OCLN: variants seen among roughly 807,000 people sequenced by gnomAD.
The protein encoded by OCLN is occludin.
OCLN carries 21 observed loss-of-function variants against 47.9 expected under a neutral mutation model. The ratio of observed to expected loss-of-function variants is 0.44; its 90% CI spans 0.31 to 0.63. The LOEUF (loss-of-function observed/expected upper bound fraction) is 0.63. Ranked by LOEUF, OCLN falls within the 30% of genes least tolerant of loss-of-function variation. OCLN has a pLI of 0.08. For synonymous variants in OCLN, 117 were observed against 198.4 expected, an observed-to-expected ratio of 0.59 and a Z score of 3.45; for missense variants, 360 against 571.0, an observed-to-expected ratio of 0.63 and a Z score of 3.77.
chr5:69,549,018 AT>A (rs1424905563), intron 7 of OCLN, among the ~76,000 whole-genome samples: 1 of 147,768 alleles, frequency 6.8e-6, no homozygotes, highest in African/African-American at 2.5e-5. Flanking sequence ...TTATAAAGCC[AT>A]TCATTCTTTC....
At position 69,554,807 on chromosome 5, in the gene OCLN, A is replaced by C. The variant is rs1409384176; in HGVS notation, c.*1136A>C. 1 of 152,024 alleles carries C rather than the reference A, an allele frequency of 6.6e-6. No homozygotes were observed. The highest frequency in any genetic ancestry group is 1.5e-5 in the Non-Finnish European group (1 of 68,014). 9.4% of individuals were successfully genotyped at this position (152,024 alleles called of 1,614,324 possible). On this transcript the variant is annotated 3_prime_UTR_variant, in exon 9 of 9. Coordinates refer to ENST00000396442, the MANE Select transcript of OCLN (RefSeq NM_001205254.2). ...TTTTTTAAAAATTCAGATTCTTATT[A>C]GTAAAATTAGTTGATAGCACTGTGC...
At position 69,515,746 on chromosome 5, in the gene OCLN, G is replaced by A. The variant is rs1212029223; in HGVS notation, c.891+1637G>A. Among the ~76,000 whole-genome samples, 802 of 149,904 alleles carry A rather than the reference G, an allele frequency of 5.4e-3. 7 individuals carry two copies. The highest frequency in any genetic ancestry group is 0.019 in the African/African-American group (770 of 40,680). ...GGGCTCCTCACTTCTCATATGGGGC[G>A]GTTGCCAGGCGGAGGGTCTCCTCAC... On this transcript the variant is annotated intron_variant, in intron 4 of 8. Coordinates refer to ENST00000396442, the MANE Select transcript of OCLN (RefSeq NM_001205254.2).
At chr5:69,494,668 T>C (rs1768244113) in intron 1 of OCLN, among the ~76,000 whole-genome samples, 2 of 152,328 alleles carry the variant, frequency 1.3e-5, no homozygotes, top group South Asian at 4.1e-4. Flanking sequence ...GACATGATTC[T>C]CCACCTTTTG....
Position 69,534,902 on chromosome 5 carries a change from G to T in OCLN, c.1037+63G>T, listed in dbSNP as rs1370817496. ...AAAAATGAGTATTTGCATATAATTG[G>T]TTTTTGTGCCTTTCTGCTTAAAAAA... On this transcript the variant is annotated intron_variant, in intron 5 of 8. Coordinates refer to ENST00000396442, the MANE Select transcript of OCLN (RefSeq NM_001205254.2). 16 of 1,557,316 alleles carry T rather than the reference G, an allele frequency of 1.0e-5. 1 individual carries two copies. The highest frequency in any genetic ancestry group is 2.2e-5 in the South Asian group (2 of 89,356).
chr5:69,503,967 G>T (rs982910250), intron 1 of OCLN, among the ~76,000 whole-genome samples: 1 of 152,212 alleles, frequency 6.6e-6, no homozygotes. Context: ...AGGCATGGTG[G>T]TGCAGGTCTG....
chr5:69,518,846 T>C (rs1769048036), intron 4 of OCLN, among the ~76,000 whole-genome samples: 1 of 152,152 alleles, frequency 6.6e-6, no homozygotes, highest in South Asian at 2.1e-4. Flanking sequence ...ATATAGCTAA[T>C]AATGGCTGAT....
chr5:69,499,176 C>T (rs557148527), intron 1 of OCLN, among the ~76,000 whole-genome samples: 5 of 152,142 alleles, frequency 3.3e-5, no homozygotes, highest in Middle Eastern at 3.4e-3. Context: ...CTCAAGAGAT[C>T]CTCCCATCTC....
rs1310304809 is a variant in OCLN, at chr5:69,493,709, G to A, written c.-69+809G>A. On this transcript the variant is annotated intron_variant, in intron 1 of 8. Transcript: ENST00000396442. The surrounding 1 kb of genome is among the most constrained non-coding windows in gnomAD (Gnocchi z 5.3). ...GCCTGGGAGCGCCTCGGTGCGCACG[G>A]AAGCCGGGACCCGCGCCCAGCCGGG... is the stretch of plus-strand genomic sequence containing the variant. Among the ~76,000 whole-genome samples, 2 of 152,188 alleles carry A rather than the reference G, an allele frequency of 1.3e-5. No individual in the cohort carries two copies. The highest frequency in any genetic ancestry group is 4.8e-5 in the African/African-American group (2 of 41,448).
chr5:69,533,136 T>C (rs191183071), intron 4 of OCLN, among the ~76,000 whole-genome samples: 1,756 of 144,740 alleles, frequency 0.012, 32 homozygotes, highest in African/African-American at 0.038. Flanking sequence ...CACACACACA[T>C]ATATATACAT....
intron 2 of OCLN, 72 bp downstream of exon 2, chr5:69,504,366 C>CT (rs1428708421): frequency 2.2e-6 from 2 of 917,324 alleles, no homozygotes; most frequent in Admixed American, 1.9e-5. Flanking sequence ...ATGGTTGAAA[C>CT]TTTAAGTGTT....
intron 3 of OCLN, among the ~76,000 whole-genome samples, chr5:69,511,043 T>C (rs971025267): frequency 1.5e-4 from 23 of 152,154 alleles, no homozygotes; most frequent in African/African-American, 5.5e-4. Context: ...ATTTCTCTCT[T>C]ATCTTTGGAG....
In OCLN at chr5:69,493,871, G is replaced by C. The variant is rs118078002; in HGVS notation, c.-69+971G>C. 2.3e-3 allele frequency among the ~76,000 whole-genome samples: 357 copies of C among 152,270 alleles called. 14 individuals carry two copies. The East Asian group carries it at 0.063, about 27-fold the overall frequency. On this transcript the variant is annotated intron_variant, in intron 1 of 8. Coordinates refer to ENST00000396442, the MANE Select transcript of OCLN (RefSeq NM_001205254.2). This position sits in a 1 kb window ranked among gnomAD's most constrained non-coding sequence, Gnocchi z 5.3. ...GCCTAGGGGTTGGGAGCGGCGCCGAGCCCCTCGCGCTCCTCGGGAAGCCAC... is the reference window on the plus strand; with the variant it reads ...GCCTAGGGGTTGGGAGCGGCGCCGACCCCCTCGCGCTCCTCGGGAAGCCAC...
chr5:69,516,286 G>A (rs1167334972), intron 4 of OCLN, among the ~76,000 whole-genome samples: 1 of 152,238 alleles, frequency 6.6e-6, no homozygotes, highest in Non-Finnish European at 1.5e-5. Flanking sequence ...GTCGCAGTTC[G>A]GAGCTGGAGA....
At position 69,547,916 on chromosome 5, in the gene OCLN, C is replaced by T. The variant is rs1268822880; in HGVS notation, c.1254-14C>T. 8.8e-6 allele frequency: 5 copies of T among 570,362 alleles called. No homozygotes were observed. The highest frequency in any genetic ancestry group is 3.9e-5 in the South Asian group (2 of 50,742). 35.3% of individuals were successfully genotyped at this position (570,362 alleles called of 1,614,324 possible). ...AAGGATACATATGTAGTCATTTTCT[C>T]TCTCACCTTTTAGGGAATATCCACC... On this transcript the variant is annotated splice_polypyrimidine_tract_variant and intron_variant, in intron 6 of 8. Coordinates refer to ENST00000396442, the MANE Select transcript of OCLN (RefSeq NM_001205254.2).
intron 6 of OCLN, 123 bp from the exon 7 acceptor site, chr5:69,547,807 A>C: frequency 1.3e-6 from 1 of 751,760 alleles, no homozygotes; most frequent in Non-Finnish European, 2.4e-6. Flanking sequence ...CATAAGAAAC[A>C]AAAACGAAAC....
chr5:69,528,196 G>A (rs1456795311), intron 4 of OCLN, among the ~76,000 whole-genome samples: 1 of 152,050 alleles, frequency 6.6e-6, no homozygotes, highest in African/African-American at 2.4e-5. Flanking sequence ...CAGGAAAAAC[G>A]AGTTAGACCA....
At chr5:69,522,789 G>A (rs190768437) in intron 4 of OCLN, among the ~76,000 whole-genome samples, 51 of 150,872 alleles carry the variant, frequency 3.4e-4, no homozygotes, top group South Asian at 8.3e-4. Context: ...GTGCAATGGC[G>A]CAATCATAGC....
At chr5:69,500,403 C>CTTT (rs72338145) in intron 1 of OCLN, among the ~76,000 whole-genome samples, 1 of 142,518 alleles carries the variant, frequency 7.0e-6, no homozygotes, top group African/African-American at 2.6e-5. Flanking sequence ...GCTTTCTTTT[C>CTTT]TTTTTTTTTT....
intron 7 of OCLN, among the ~76,000 whole-genome samples, chr5:69,548,608 C>T (rs1379069241): frequency 2.7e-5 from 4 of 149,668 alleles, no homozygotes; most frequent in Admixed American, 2.0e-4. Context: ...GCGTGAGCCA[C>T]CGCGCCCAGC....
Sources: allele counts gnomAD v4.1 joint callset (sites outside exome capture counted in the v4.1 genomes callset), GRCh38; gene constraint gnomAD v4.1.1; non-coding constraint Gnocchi (gnomAD v3.1); transcripts MANE v1.5; gene names NCBI Gene and HGNC (gene_info 2026-07-23, HGNC 2026-07-21).